The following SOS1 variants were observed in gnomAD, a reference collection of about 807,000 sequenced individuals.
SOS1 encodes the protein son of sevenless homolog 1.
SOS1 carries 25 observed loss-of-function variants against 157.6 expected under a neutral mutation model. That is an observed-to-expected ratio of 0.16 (90% CI 0.12 to 0.22). SOS1 has a LOEUF of 0.22. Ranked by LOEUF, SOS1 falls within the 10% of genes least tolerant of loss-of-function variation. The pLI is 1.00. For missense variants in SOS1, 1,237 were observed against 1,599.1 expected (o/e 0.77, Z 3.86); for synonymous variants, 528 against 534.0 (o/e 0.99, Z 0.16).
rs138764039 is a variant in SOS1, at chr2:39,058,715, G to A, written c.303C>T (p.Asn101=). The A allele has an allele frequency of 5.0e-6, 8 of 1,612,762 alleles. No individual in the cohort carries two copies. Among genetic ancestry groups the A allele is most frequent in the South Asian group, 3.3e-5 (3 of 91,020 alleles). The change falls in exon 3 of 23, where the codon AAC becomes AAT. Residue 101 remains asparagine (N), a synonymous_variant. Coordinates refer to ENST00000402219, the MANE Select transcript of SOS1 (RefSeq NM_005633.4). ...TTTTTTCTACTGGGAGAGATAAAGG[G>A]TTTCTTCGCTTCCTCTTTTCAATAG... ...QSAIEKRKRR[N]PLSLPVEKIH...
chr2:39,123,628 G>T (rs921657870), upstream of SOS1, among the ~76,000 whole-genome samples: 1 of 152,124 alleles, frequency 6.6e-6, no homozygotes, highest in Non-Finnish European at 1.5e-5. Flanking sequence ...AAAGTGCTGG[G>T]ACTACAGGCG....
At chr2:38,999,365 G>C (rs1392835695) in intron 17 of SOS1, among the ~76,000 whole-genome samples, 2 of 152,144 alleles carry the variant, frequency 1.3e-5, no homozygotes, top group African/African-American at 4.8e-5. Context: ...AAATGCTTTT[G>C]TGGTAGAGGC....
In SOS1 at chr2:38,996,995, T is replaced by G. The variant is rs1462821963; in HGVS notation, c.3008A>C (p.Lys1003Thr). ...NLNPMGNSMEKEFTDYLFNKS... is the reference protein window; with the variant it reads ...NLNPMGNSMETEFTDYLFNKS... Reference sequence around the variant, plus strand: ...GTTGAAAAGATAATCTGTAAATTCCTTCTCCATGCTATTTCCCATCGGATT... The same window carrying G: ...GTTGAAAAGATAATCTGTAAATTCCGTCTCCATGCTATTTCCCATCGGATT... Residue 1003 changes from lysine (K) to threonine (T), a missense_variant, in exon 19 of 23, where the codon AAG (lysine) becomes ACG (threonine). By Grantham distance (78) the Lys-to-Thr change is moderately conservative. Coordinates refer to ENST00000402219, the MANE Select transcript of SOS1 (RefSeq NM_005633.4). 2.5e-6 allele frequency: 4 copies of G among 1,606,838 alleles called. No homozygotes were observed. The African/African-American group carries it at 5.3e-5, about 21-fold the overall frequency.
Position 39,056,741 on chromosome 2 carries a change from A to C in SOS1, c.471T>G (p.Ile157Met). 6.2e-7 allele frequency: 1 copy of C among 1,606,218 alleles called. No individual in the cohort carries two copies. Among genetic ancestry groups the C allele is most frequent in the Non-Finnish European group, 8.5e-7 (1 of 1,173,006 alleles). Residue 157 changes from isoleucine to methionine, a missense_variant, in exon 4 of 23, where the codon ATT (isoleucine) becomes ATG (methionine). Physicochemically the swap from Ile to Met is conservative, Grantham distance 10. This residue lies in a region of SOS1 where 17 missense variants were observed against 52.7 expected (regional missense o/e 0.32). Transcript: ENST00000402219. ...NYVRNIRHYE[I>M]TKQDIKVAMC... is the part of the protein sequence containing the mutation. Reference sequence around the variant, plus strand: ...TTGCCACTTTAATATCTTGTTTTGTAATTTCATAATGCCGTATATTTCTTA... The same window carrying C: ...TTGCCACTTTAATATCTTGTTTTGTCATTTCATAATGCCGTATATTTCTTA...
At chr2:39,002,793 G>T (rs530253874) in intron 17 of SOS1, among the ~76,000 whole-genome samples, 1 of 152,010 alleles carries the variant, frequency 6.6e-6, no homozygotes, top group South Asian at 2.1e-4. Context: ...GGCTGGGTAC[G>T]GTGGCTCACA....
rs1572867776 is a variant in SOS1, at chr2:39,067,955, T to C, written c.88-202A>G. 2.0e-5 allele frequency among the ~76,000 whole-genome samples: 3 copies of C among 152,000 alleles called. No homozygotes were observed. The South Asian group carries it at 6.2e-4, about 32-fold the overall frequency. ...CCAACATGGTGAAACCCTGTCTCCA[T>C]TAAAAATACAAAAATTAGCCGGGCC... On this transcript the variant is annotated intron_variant, in intron 1 of 22. Transcript: ENST00000402219.
intron 8 of SOS1, among the ~76,000 whole-genome samples, chr2:39,025,992 T>G (rs1179025166): frequency 6.6e-6 from 1 of 152,204 alleles, no homozygotes; most frequent in African/African-American, 2.4e-5. Flanking sequence ...TATTAAAAAC[T>G]CACCATACTT....
intron 6 of SOS1, among the ~76,000 whole-genome samples, chr2:39,038,884 A>C (rs2124570173): frequency 6.6e-6 from 1 of 152,202 alleles, no homozygotes; most frequent in African/African-American, 2.4e-5. Flanking sequence ...CCAATACTGA[A>C]AGAATTTCTA....
At chr2:39,025,548 C>G (rs1386840406) in intron 8 of SOS1, among the ~76,000 whole-genome samples, 3 of 149,848 alleles carry the variant, frequency 2.0e-5, no homozygotes, top group African/African-American at 7.4e-5. Flanking sequence ...CTAGTAGAGA[C>G]AAGTTTTCAC....
chr2:39,002,866 A>G (rs1019521726), intron 17 of SOS1, among the ~76,000 whole-genome samples: 7 of 151,854 alleles, frequency 4.6e-5, no homozygotes, highest in African/African-American at 7.3e-5. Flanking sequence ...GGAGTTCGAG[A>G]CCAGCCTGGG....
In SOS1 at chr2:39,022,933, C is replaced by A. The variant is rs1315811250; in HGVS notation, c.1495G>T (p.Val499Leu). The A allele has an allele frequency of 6.2e-7, 1 of 1,613,300 alleles. No homozygotes were observed. Among genetic ancestry groups the A allele is most frequent in the Non-Finnish European group, 8.5e-7 (1 of 1,179,446 alleles). The stretch of plus-strand genomic sequence containing the variant: ...GTGTCATCTTTATCATTAATTTGTA[C>A]CTTTCGCATAAAAAACTTTTCTTTA... ...RLKEKFFMRK[V>L]QINDKDDTNE... Residue 499 changes from valine to leucine, a missense_variant, in exon 10 of 23, where the codon GTA becomes TTA. Around this residue, in one of 15 missense-constraint regions of SOS1, gnomAD observed 210 missense variants for 220.2 expected, o/e 0.95. Transcript: ENST00000402219.
Position 38,985,940 on chromosome 2 carries a change from G to C in SOS1, c.3886C>G (p.Gln1296Glu). ...TTAGGGATATGTTGAGAAGTGCTTT[G>C]TCGTGGAGGAACAGGCGGCCCAGCA... is the stretch of plus-strand genomic sequence containing the variant. ...SIAGPPVPPRQSTSQHIPKLP... is the reference protein window; with the variant it reads ...SIAGPPVPPRESTSQHIPKLP... Residue 1296 changes from glutamine (Q) to glutamate (E), a missense_variant, in exon 23 of 23, where the codon CAA (glutamine) becomes GAA (glutamate). Coordinates refer to ENST00000402219, the MANE Select transcript of SOS1 (RefSeq NM_005633.4). 1 of 1,613,974 alleles carries C rather than the reference G, an allele frequency of 6.2e-7. No homozygotes were observed. Among genetic ancestry groups the C allele is most frequent in the East Asian group, 2.2e-5 (1 of 44,880 alleles).
At chr2:39,072,037 C>T (rs956561585) in intron 1 of SOS1, among the ~76,000 whole-genome samples, 1 of 151,922 alleles carries the variant, frequency 6.6e-6, no homozygotes, top group Non-Finnish European at 1.5e-5. Context: ...GAATTAATCT[C>T]ATTCATTTAA....
At position 38,983,493 on chromosome 2, in the gene SOS1, T is replaced by C. The variant is rs1572793717; in HGVS notation, c.*2331A>G. On this transcript the variant is annotated 3_prime_UTR_variant, in exon 23 of 23. Transcript: ENST00000402219. ...CTAGAACCATGGGGTAGAAGAATAG[T>C]TCCCTTTGGGAGAAATAGGATTAGA... 6.6e-6 allele frequency: 1 copy of C among 152,206 alleles called. No homozygotes were observed. 9.4% of individuals were successfully genotyped at this position (152,206 alleles called of 1,614,324 possible). A position where few individuals can be genotyped will look rare whatever the true frequency, so the allele number is the denominator to read the frequency against.
In SOS1 at chr2:39,079,285, T is replaced by C. The variant is rs118101491; in HGVS notation, c.88-11532A>G. Among the ~76,000 whole-genome samples the C allele has an allele frequency of 2.7e-3, 416 of 151,984 alleles. 1 individual carries two copies. Among genetic ancestry groups the C allele is most frequent in the Non-Finnish European group, 3.3e-3 (222 of 67,962 alleles). On this transcript the variant is annotated intron_variant, in intron 1 of 22. Transcript: ENST00000402219. ...GGCAAAAATATAAGTTACAGAACAA[T>C]AGAAACAATACGATCCATTTATATC... is the stretch of plus-strand genomic sequence containing the variant.
chr2:38,997,163 A>G lies in SOS1; in HGVS notation c.2964+90T>C, dbSNP rs563131593. The G allele has an allele frequency of 1.7e-5, 20 of 1,146,338 alleles. No homozygotes were observed. The South Asian group carries it at 2.6e-4, about 15-fold the overall frequency. 71.0% of individuals were successfully genotyped at this position (1,146,338 alleles called of 1,614,324 possible). A position where few individuals can be genotyped will look rare whatever the true frequency, so the allele number is the denominator to read the frequency against. On this transcript the variant is annotated intron_variant, in intron 18 of 22. Transcript: ENST00000402219. Reference sequence around the variant, plus strand: ...AATTATTTCTTTTAAGGTTTATTTTACTTTTTCTCCCCTATAAAATAAACC... The same window carrying G: ...AATTATTTCTTTTAAGGTTTATTTTGCTTTTTCTCCCCTATAAAATAAACC...
intron 1 of SOS1, among the ~76,000 whole-genome samples, chr2:39,084,125 T>G (rs948119457): frequency 6.6e-6 from 1 of 152,148 alleles, no homozygotes; most frequent in African/African-American, 2.4e-5. Flanking sequence ...AACATCTTCA[T>G]CTTGGGCTTC....
chr2:39,011,266 C>T (rs192443536), intron 14 of SOS1, among the ~76,000 whole-genome samples: 2 of 152,116 alleles, frequency 1.3e-5, no homozygotes, highest in Non-Finnish European at 2.9e-5. Flanking sequence ...TTTATAGTAG[C>T]ATTTTGCTTT....
intron 1 of SOS1, among the ~76,000 whole-genome samples, chr2:39,104,356 T>C (rs1673084944): frequency 6.6e-6 from 1 of 152,102 alleles, no homozygotes; most frequent in Non-Finnish European, 1.5e-5. Flanking sequence ...GACATACAAA[T>C]GGCCAATAAG....
Sources: gnomAD v4.1 joint callset for allele counts (sites outside exome capture counted in the v4.1 genomes callset) on GRCh38, gnomAD v4.1.1 for gene constraint, gnomAD v4.1.1 regional missense constraint, MANE v1.5 for transcripts, NCBI Gene and HGNC (gene_info 2026-07-23, HGNC 2026-07-21) for gene names.